PDE1C: variants seen among roughly 807,000 people sequenced by gnomAD.
PDE1C encodes the protein dual specificity calcium/calmodulin-dependent 3',5'-cyclic nucleotide phosphodiesterase 1C.
A neutral mutation model predicts 93.1 loss-of-function variants in PDE1C; 62 were observed. The observed-to-expected ratio is 0.67, with a 90% confidence interval of 0.54 to 0.82. The LOEUF is 0.82. Among genes scored for constraint, PDE1C ranks in the 40% least tolerant of loss-of-function variants. PDE1C has a pLI of 0.00. For synonymous variants in PDE1C, 325 were observed against 310.1 expected (o/e 1.05, Z -0.50); for missense variants, 742 against 884.6 (o/e 0.84, Z 2.04).
intron 3 of PDE1C, among the ~76,000 whole-genome samples, chr7:32,156,672 T>C (rs1267680447): frequency 6.6e-6 from 1 of 152,030 alleles, no homozygotes; most frequent in Non-Finnish European, 1.5e-5. Context: ...GATACTAAAA[T>C]GTAGAAAGGG....
chr7:31,669,037 G>C, the PDE1C span, among the ~76,000 whole-genome samples: 3 of 152,052 alleles, frequency 2.0e-5, no homozygotes, highest in African/African-American at 4.8e-5. Flanking sequence ...GTCTGTTAAG[G>C]CATGGCCGGG....
intron 1 of PDE1C, among the ~76,000 whole-genome samples, chr7:32,229,921 G>A (rs1046399802): frequency 2.0e-5 from 3 of 152,174 alleles, no homozygotes; most frequent in Non-Finnish European, 4.4e-5. Flanking sequence ...TCACTTTTTC[G>A]ATTGTGAGTG....
chr7:31,940,859 C>T (rs1215430511), intron 2 of PDE1C, among the ~76,000 whole-genome samples: 1 of 152,062 alleles, frequency 6.6e-6, no homozygotes, highest in Non-Finnish European at 1.5e-5. Flanking sequence ...CACACACAGA[C>T]CCTTCAAGTC....
chr7:31,622,201 G>T, the PDE1C span, among the ~76,000 whole-genome samples: 8 of 128,904 alleles, frequency 6.2e-5, no homozygotes, highest in Non-Finnish European at 1.3e-4. Flanking sequence ...ATCAACGAGA[G>T]AGAAAGTCAA....
intron 1 of PDE1C, among the ~76,000 whole-genome samples, chr7:32,218,546 G>A (rs1343142028): frequency 2.0e-5 from 3 of 152,164 alleles, no homozygotes; most frequent in Non-Finnish European, 4.4e-5. Flanking sequence ...TGAGAAGACA[G>A]CTTGAAAAAC....
In PDE1C at chr7:32,095,244, G is replaced by A. The variant is rs527665234; in HGVS notation, c.308+74541C>T. 2.0e-5 allele frequency among the ~76,000 whole-genome samples: 3 copies of A among 152,280 alleles called. No individual in the cohort carries two copies. In the South Asian group the frequency reaches 6.2e-4, roughly 32 times the overall value. ...GCTTGCCTGAAGACTGAAAATCTTG[G>A]GAAAGCAACCAGACATCCCATCAGT... On this transcript the variant is annotated intron_variant, in intron 3 of 18. Coordinates refer to the PDE1C transcript ENST00000396193.
At chr7:31,719,979 G>A in the PDE1C span, among the ~76,000 whole-genome samples, 1 of 150,910 alleles carries the variant, frequency 6.6e-6, no homozygotes, top group South Asian at 2.1e-4. Flanking sequence ...TGGCTAACAA[G>A]GTGAAACCCC....
Position 31,753,332 on chromosome 7 carries a change from T to C in PDE1C, c.*52A>G, listed in dbSNP as rs545203287. On this transcript the variant is annotated 3_prime_UTR_variant, in exon 18 of 18. Coordinates refer to ENST00000396191, the MANE Select transcript of PDE1C (RefSeq NM_001191057.4). The stretch of plus-strand genomic sequence containing the variant: ...GTGTCCTGCTGTGGCCAGTGGGTGC[T>C]GAGAAGCAGATAGGTAGACCCTCCT... The C allele has an allele frequency of 8.4e-5, 132 of 1,578,516 alleles. No homozygotes were observed. Among genetic ancestry groups the C allele is most frequent in the Non-Finnish European group, 1.1e-4 (123 of 1,162,700 alleles).
chr7:31,959,825 T>C (rs2129029607), intron 2 of PDE1C, among the ~76,000 whole-genome samples: 1 of 152,224 alleles, frequency 6.6e-6, no homozygotes, highest in African/African-American at 2.4e-5. Context: ...TTTTAAATTA[T>C]CAATATGTAG....
At chr7:31,953,471 A>G (rs931605604) in intron 2 of PDE1C, among the ~76,000 whole-genome samples, 4 of 152,218 alleles carry the variant, frequency 2.6e-5, no homozygotes, top group African/African-American at 9.6e-5. Flanking sequence ...GGGAGCCACA[A>G]GTAGAAATTG....
chr7:32,091,009 C>T (rs1339766253), intron 3 of PDE1C, among the ~76,000 whole-genome samples: 1 of 152,200 alleles, frequency 6.6e-6, no homozygotes, highest in Non-Finnish European at 1.5e-5. Flanking sequence ...AAATATATGC[C>T]TTGTTTTCTA....
At position 32,322,511 on chromosome 7, in the gene PDE1C, G is replaced by A. The variant is rs376284088; in HGVS notation, c.310+105311C>T. On this transcript the variant is annotated intron_variant, in intron 1 of 1. Coordinates refer to the PDE1C transcript ENST00000672256. ...CCCAGCTACTCAGAAGCCTGAGGCA[G>A]GAGAATCACTTGAGCCCAGGAGTTC... Among the ~76,000 whole-genome samples, 52 of 152,334 alleles carry A rather than the reference G, an allele frequency of 3.4e-4. 1 individual carries two copies. In the East Asian group the frequency reaches 9.6e-3, roughly 28 times the overall value.
intron 17 of PDE1C, among the ~76,000 whole-genome samples, chr7:31,762,593 G>GC (rs1794904511): frequency 6.6e-6 from 1 of 152,098 alleles, no homozygotes; most frequent in African/African-American, 2.4e-5. Flanking sequence ...GCCCATCTCG[G>GC]CCTCCCAAAG....
chr7:32,303,652 G>A (rs1812929794), upstream of PDE1C, among the ~76,000 whole-genome samples: 1 of 152,146 alleles, frequency 6.6e-6, no homozygotes, highest in African/African-American at 2.4e-5. Flanking sequence ...GATAAAAAGT[G>A]TGTGCTTACA....
chr7:32,109,500 C>T (rs182917250), intron 3 of PDE1C, among the ~76,000 whole-genome samples: 149 of 152,242 alleles, frequency 9.8e-4, no homozygotes, highest in African/African-American at 3.3e-3. Context: ...GTTGTGGGGG[C>T]TGTCCTGTGC....
the PDE1C span, among the ~76,000 whole-genome samples, chr7:31,726,875 A>G: frequency 6.6e-6 from 1 of 152,142 alleles, no homozygotes; most frequent in Non-Finnish European, 1.5e-5. Context: ...TCTACTAAAA[A>G]TACAGAAAAT....
At chr7:32,285,260 C>A (rs1414616144) in intron 1 of PDE1C, among the ~76,000 whole-genome samples, 1 of 152,100 alleles carries the variant, frequency 6.6e-6, no homozygotes, top group Non-Finnish European at 1.5e-5. Flanking sequence ...CTGGTGGAAT[C>A]ATAAAATGGC....
At chr7:31,859,869 T>A (rs888898642) in intron 7 of PDE1C, among the ~76,000 whole-genome samples, 1 of 152,212 alleles carries the variant, frequency 6.6e-6, no homozygotes, top group South Asian at 2.1e-4. Context: ...ATATACATCA[T>A]GTAGAACATA....
chr7:31,825,136 T>C (rs1789494800), intron 12 of PDE1C, 149 bp from the exon 13 acceptor site: 1 of 1,029,390 alleles, frequency 9.7e-7, no homozygotes, highest in South Asian at 1.7e-5. Flanking sequence ...GATTTGAATA[T>C]TACATGTCAG....
Sources: allele counts gnomAD v4.1 joint callset (sites outside exome capture counted in the v4.1 genomes callset), GRCh38; gene constraint gnomAD v4.1.1; transcripts MANE v1.5; gene names NCBI Gene and HGNC (gene_info 2026-07-23, HGNC 2026-07-21).